Variants in KCNN2 observed in about 807,000 individuals in gnomAD.
KCNN2 encodes small conductance calcium-activated potassium channel protein 2.
A neutral mutation model predicts 55.5 loss-of-function variants in KCNN2; 24 were observed. The ratio of observed to expected loss-of-function variants is 0.43; its 90% confidence interval spans 0.31 to 0.61. KCNN2 has a LOEUF of 0.61. KCNN2 is among the 20% of genes least tolerant of loss of function. KCNN2 has a pLI of 0.08. For synonymous variants in KCNN2, 431 were observed against 336.1 expected, an observed-to-expected ratio of 1.28 and a Z score of -3.09; for missense variants, 754 against 853.6, an observed-to-expected ratio of 0.88 and a Z score of 1.45.
At chr5:114,177,941 C>G (rs759507356) in intron 1 of KCNN2, among the ~76,000 whole-genome samples, 1 of 152,162 alleles carries the variant, frequency 6.6e-6, no homozygotes, top group South Asian at 2.1e-4. Flanking sequence ...TGTTAAGACC[C>G]AAATTCAGAA....
intron 1 of KCNN2, among the ~76,000 whole-genome samples, chr5:114,088,538 C>T (rs912050528): frequency 2.6e-5 from 4 of 151,858 alleles, no homozygotes; most frequent in African/African-American, 9.7e-5. Flanking sequence ...TGTTTTTCTT[C>T]CAGTATTCTT....
chr5:114,481,900 T>A (rs1341011856), intron 5 of KCNN2, among the ~76,000 whole-genome samples: 1 of 152,150 alleles, frequency 6.6e-6, no homozygotes, highest in Non-Finnish European at 1.5e-5. Flanking sequence ...TATTAAAGAC[T>A]TAAATGTAAA....
chr5:114,353,340 G>T (rs1757246639), intron 2 of KCNN2, among the ~76,000 whole-genome samples: 2 of 151,500 alleles, frequency 1.3e-5, no homozygotes, highest in South Asian at 4.2e-4. Context: ...TTACCATCTG[G>T]TGTCATTTCT....
chr5:114,430,729 G>A (rs1316764505), intron 3 of KCNN2, among the ~76,000 whole-genome samples: 1 of 152,004 alleles, frequency 6.6e-6, no homozygotes, highest in Non-Finnish European at 1.5e-5. Flanking sequence ...ATAGCTGTAG[G>A]TTTTTGTGGA....
At chr5:114,394,177 A>G (rs949153111) in intron 2 of KCNN2, among the ~76,000 whole-genome samples, 12 of 152,124 alleles carry the variant, frequency 7.9e-5, no homozygotes, top group African/African-American at 2.9e-4. Context: ...ATGTAATAAA[A>G]CTTTTACTGC....
chr5:114,352,286 T>C (rs1757218617), intron 2 of KCNN2, among the ~76,000 whole-genome samples: 1 of 151,724 alleles, frequency 6.6e-6, no homozygotes, highest in Non-Finnish European at 1.5e-5. Flanking sequence ...TACCAGATTT[T>C]AGTAATATGC....
At chr5:114,081,477 C>G (rs2721320) in intron 1 of KCNN2, among the ~76,000 whole-genome samples, 6,412 of 152,238 alleles carry the variant, frequency 0.042, 446 homozygotes, top group African/African-American at 0.15. Flanking sequence ...GAAATAAACC[C>G]TCCTAAATAT....
intron 1 of KCNN2, among the ~76,000 whole-genome samples, chr5:114,119,197 G>A (rs1373428422): frequency 6.6e-6 from 1 of 152,192 alleles, no homozygotes; most frequent in Non-Finnish European, 1.5e-5. Context: ...CAGCCCAGGA[G>A]CGAGTTCTGG....
In KCNN2 at chr5:114,485,045, G is replaced by T. The variant is rs190130834; in HGVS notation, c.1891-2005G>T. 6.2e-3 allele frequency among the ~76,000 whole-genome samples: 947 copies of T among 152,296 alleles called. 7 individuals are homozygous for T. Among genetic ancestry groups the T allele is most frequent in the Non-Finnish European group, 9.7e-3 (663 of 68,020 alleles). On this transcript the variant is annotated intron_variant, in intron 5 of 7. Coordinates refer to ENST00000673685, the MANE Select transcript of KCNN2 (RefSeq NM_021614.4). ...CCCAAGAGAAGGAATCATTTAAAAT[G>T]CATCGGTCACCTTTTTAAAAGCGTA...
intron 2 of KCNN2, among the ~76,000 whole-genome samples, chr5:114,283,600 A>G (rs563609719): frequency 1.2e-4 from 19 of 152,200 alleles, no homozygotes; most frequent in African/African-American, 4.3e-4. Context: ...TTGTCCTTAT[A>G]GTCTTTCGTT....
chr5:114,225,481 A>T (rs1355814130), intron 2 of KCNN2, among the ~76,000 whole-genome samples: 1 of 152,224 alleles, frequency 6.6e-6, no homozygotes, highest in Non-Finnish European at 1.5e-5. Context: ...TGAAACACCA[A>T]TTACAAGTCA....
At chr5:114,277,512 A>G (rs1755516554) in intron 2 of KCNN2, among the ~76,000 whole-genome samples, 1 of 151,994 alleles carries the variant, frequency 6.6e-6, no homozygotes, top group South Asian at 2.1e-4. Context: ...ATAGTCCCAT[A>G]TTTCCTGGAG....
At chr5:114,062,041 T>C (rs1750343646) in intron 1 of KCNN2, among the ~76,000 whole-genome samples, 1 of 152,118 alleles carries the variant, frequency 6.6e-6, no homozygotes, top group Non-Finnish European at 1.5e-5. Context: ...CATCTTCTCA[T>C]ACAGAATACA....
chr5:114,084,991 T>G (rs992511169), intron 1 of KCNN2, among the ~76,000 whole-genome samples: 1 of 151,826 alleles, frequency 6.6e-6, no homozygotes, highest in Non-Finnish European at 1.5e-5. Context: ...TTTCTGAACT[T>G]TATATTCTCT....
At chr5:114,292,240 C>T (rs1021031140) in intron 2 of KCNN2, among the ~76,000 whole-genome samples, 4 of 152,104 alleles carry the variant, frequency 2.6e-5, no homozygotes, top group South Asian at 2.1e-4. Flanking sequence ...CTTTGCTTTT[C>T]GTGTTTTAGA....
intron 2 of KCNN2, among the ~76,000 whole-genome samples, chr5:114,390,421 G>C (rs1025237692): frequency 5.9e-5 from 9 of 152,146 alleles, no homozygotes; most frequent in Admixed American, 1.3e-4. Flanking sequence ...TACAATCAGT[G>C]ATGTCAGTCT....
intron 2 of KCNN2, among the ~76,000 whole-genome samples, chr5:114,288,495 TATATACACACACACACACAC>T (rs1358069854): frequency 1.3e-5 from 1 of 75,258 alleles, no homozygotes; most frequent in Admixed American, 1.2e-4. Context: ...TTTATATATA[TATATACACACACACACACAC>T]ACACACACAC....
chr5:114,231,731 T>C (rs1260439269), intron 2 of KCNN2, among the ~76,000 whole-genome samples: 1 of 151,210 alleles, frequency 6.6e-6, no homozygotes, highest in Non-Finnish European at 1.5e-5. Flanking sequence ...ATTTAGGCTG[T>C]GCTGGGTGGC....
At chr5:114,156,641 G>T (rs1246441428) in intron 1 of KCNN2, among the ~76,000 whole-genome samples, 1 of 151,916 alleles carries the variant, frequency 6.6e-6, no homozygotes, top group Non-Finnish European at 1.5e-5. Flanking sequence ...TCTTTTTGTG[G>T]CAGTCATGGA....
Sources: gnomAD v4.1 joint callset for allele counts (sites outside exome capture counted in the v4.1 genomes callset) on GRCh38, gnomAD v4.1.1 for gene constraint, MANE v1.5 for transcripts, NCBI Gene and HGNC (gene_info 2026-07-23, HGNC 2026-07-21) for gene names.